The following ZNF385D variants were observed in gnomAD, a reference collection of about 807,000 sequenced individuals.
ZNF385D encodes the protein zinc finger protein 659.
In ZNF385D, 15 loss-of-function variants were observed where a neutral mutation model predicts 35.8. The ratio of observed to expected loss-of-function variants is 0.42; its 90% confidence interval spans 0.28 to 0.64. The LOEUF is 0.64. ZNF385D is among the 30% of genes least tolerant of loss of function. The pLI is 0.23. For synonymous variants in ZNF385D, 212 were observed against 186.8 expected (o/e 1.13, Z -1.10); for missense variants, 474 against 494.6 (o/e 0.96, Z 0.39).
rs912149858 is a variant in ZNF385D, at chr3:21,414,447, G to A, written c.*6767C>T. On this transcript the variant is annotated 3_prime_UTR_variant, in exon 8 of 8. Coordinates refer to ENST00000281523, the MANE Select transcript of ZNF385D (RefSeq NM_024697.3). ...ATGATGTAGCTTTGGCATCAGGTCA[G>A]TTCCATCTTAAATATGTAGTAATAT... The A allele has an allele frequency of 6.6e-6, 1 of 152,082 alleles. No individual in the cohort carries two copies. Among genetic ancestry groups the A allele is most frequent in the African/African-American group, 2.4e-5 (1 of 41,438 alleles). 9.4% of individuals were successfully genotyped at this position (152,082 alleles called of 1,614,324 possible).
At chr3:21,937,420 C>A (rs1488753569) in intron 3 of ZNF385D, among the ~76,000 whole-genome samples, 1 of 151,984 alleles carries the variant, frequency 6.6e-6, no homozygotes, top group Non-Finnish European at 1.5e-5. Flanking sequence ...CACCTACAGA[C>A]CTATGTGATA....
intron 1 of ZNF385D, among the ~76,000 whole-genome samples, chr3:21,687,221 G>A (rs1381218119): frequency 6.6e-6 from 1 of 152,124 alleles, no homozygotes; most frequent in Non-Finnish European, 1.5e-5. Context: ...TTATAACCCA[G>A]GTGACCCACA....
At chr3:22,132,178 G>C (rs932780279) in intron 3 of ZNF385D, among the ~76,000 whole-genome samples, 5 of 152,182 alleles carry the variant, frequency 3.3e-5, no homozygotes, top group Non-Finnish European at 5.9e-5. Context: ...ATGGTATTTG[G>C]AGGCAGGATC....
At chr3:22,062,666 C>T (rs1190482439) in intron 3 of ZNF385D, among the ~76,000 whole-genome samples, 7 of 152,180 alleles carry the variant, frequency 4.6e-5, no homozygotes, top group Admixed American at 1.3e-4. Flanking sequence ...GTAAGTGTGG[C>T]CCAGGCTTAG....
chr3:22,050,011 T>C (rs994628961), intron 3 of ZNF385D, among the ~76,000 whole-genome samples: 1 of 152,144 alleles, frequency 6.6e-6, no homozygotes, highest in Non-Finnish European at 1.5e-5. Flanking sequence ...GCTAGTATCA[T>C]CGTAATGTTT....
chr3:21,556,800 A>G (rs985169441), intron 3 of ZNF385D, among the ~76,000 whole-genome samples: 2 of 152,142 alleles, frequency 1.3e-5, no homozygotes, highest in African/African-American at 4.8e-5. Flanking sequence ...GATTCTTCCT[A>G]TCCGTGGGCA....
At chr3:22,099,822 G>T (rs1285942577) in intron 3 of ZNF385D, among the ~76,000 whole-genome samples, 6 of 151,880 alleles carry the variant, frequency 4.0e-5, no homozygotes, top group Non-Finnish European at 7.4e-5. Flanking sequence ...AGGGAGTGGG[G>T]GCTACTACTG....
intron 1 of ZNF385D, among the ~76,000 whole-genome samples, chr3:21,721,826 G>A (rs1056808832): frequency 2.0e-5 from 3 of 152,140 alleles, no homozygotes; most frequent in Admixed American, 6.5e-5. Context: ...GTGGCCAGGC[G>A]CGGTGGCTCA....
At chr3:22,320,961 A>G (rs1694384087) in intron 2 of ZNF385D, among the ~76,000 whole-genome samples, 1 of 152,088 alleles carries the variant, frequency 6.6e-6, no homozygotes, top group South Asian at 2.1e-4. Context: ...ACAAAAGTAA[A>G]CATTTTTTTG....
intron 2 of ZNF385D, among the ~76,000 whole-genome samples, chr3:22,238,368 T>C (rs746536622): frequency 3.3e-5 from 5 of 151,174 alleles, no homozygotes; most frequent in African/African-American, 7.3e-5. Context: ...GGGACTTTGA[T>C]AGAGATTGCT....
At chr3:22,360,363 A>T (rs1696357090) in intron 2 of ZNF385D, among the ~76,000 whole-genome samples, 1 of 151,878 alleles carries the variant, frequency 6.6e-6, no homozygotes. Context: ...TTGTATGCAC[A>T]CATTATACTC....
At chr3:21,804,127 T>C (rs375496263) in intron 3 of ZNF385D, among the ~76,000 whole-genome samples, 3 of 152,356 alleles carry the variant, frequency 2.0e-5, no homozygotes, top group South Asian at 2.1e-4. Context: ...AGTGTGTAAA[T>C]TTCTTGTGCA....
At chr3:21,614,347 T>A (rs2064777930) in intron 2 of ZNF385D, among the ~76,000 whole-genome samples, 1 of 152,228 alleles carries the variant, frequency 6.6e-6, no homozygotes, top group African/African-American at 2.4e-5. Flanking sequence ...AGGACACCAG[T>A]CAGACTGGAT....
intron 3 of ZNF385D, among the ~76,000 whole-genome samples, chr3:22,135,307 CACACACATACCCCAACAT>C (rs781661325): frequency 0.055 from 8,298 of 152,030 alleles, 713 homozygotes; most frequent in African/African-American, 0.18. Flanking sequence ...AACACACACA[CACACACATACCCCAACAT>C]ACACACATAC....
intron 2 of ZNF385D, among the ~76,000 whole-genome samples, chr3:21,643,321 G>A (rs1380058907): frequency 6.6e-6 from 1 of 152,112 alleles, no homozygotes; most frequent in Non-Finnish European, 1.5e-5. Context: ...GCTAGCATTG[G>A]TTGTTAAATA....
At chr3:21,629,631 C>T (rs1345437348) in intron 2 of ZNF385D, among the ~76,000 whole-genome samples, 1 of 152,108 alleles carries the variant, frequency 6.6e-6, no homozygotes, top group Non-Finnish European at 1.5e-5. Flanking sequence ...CCTCAGGCTT[C>T]CTTCTAGGAA....
chr3:22,151,968 C>T (rs188475235), intron 3 of ZNF385D, among the ~76,000 whole-genome samples: 54 of 152,202 alleles, frequency 3.5e-4, no homozygotes, highest in African/African-American at 1.2e-3. Context: ...AAGCCTAGTA[C>T]TCAGTAGTAA....
At chr3:21,713,351 C>A (rs2068189414) in intron 1 of ZNF385D, among the ~76,000 whole-genome samples, 1 of 152,178 alleles carries the variant, frequency 6.6e-6, no homozygotes, top group South Asian at 2.1e-4. Flanking sequence ...AATGATGTTT[C>A]TTTTCACCAT....
intron 2 of ZNF385D, among the ~76,000 whole-genome samples, chr3:22,231,364 G>T (rs78838009): frequency 2.7e-5 from 4 of 149,608 alleles, no homozygotes; most frequent in African/African-American, 9.8e-5. Context: ...GTGAGAGAGA[G>T]AAAAAAAAAA....
Sources: gnomAD v4.1 joint callset for allele counts (sites outside exome capture counted in the v4.1 genomes callset) on GRCh38, gnomAD v4.1.1 for gene constraint, MANE v1.5 for transcripts, NCBI Gene and HGNC (gene_info 2026-07-23, HGNC 2026-07-21) for gene names.